ADK: variants seen among roughly 807,000 people sequenced by gnomAD.
The protein encoded by ADK is adenosine kinase, also known as N6,N6-dimethyladenosine kinase.
Under a neutral mutation model 44.7 loss-of-function variants are expected in ADK, and 24 were observed. The observed-to-expected ratio is 0.54, with a 90% CI of 0.39 to 0.76. The LOEUF is 0.76. ADK is among the 30% of genes least tolerant of loss of function. ADK has a pLI of 0.00. For synonymous variants in ADK, 128 were observed against 142.6 expected (o/e 0.90, Z 0.73); for missense variants, 321 against 425.1 (o/e 0.76, Z 2.15).
chr10:74,403,121 G>A (rs753699276), intron 6 of ADK, among the ~76,000 whole-genome samples: 1 of 152,122 alleles, frequency 6.6e-6, no homozygotes, highest in Non-Finnish European at 1.5e-5. Context: ...TCTCAGAGGG[G>A]CGCCCAGTTG....
At chr10:74,660,027 A>G (rs1476317407) in intron 9 of ADK, among the ~76,000 whole-genome samples, 7 of 152,252 alleles carry the variant, frequency 4.6e-5, no homozygotes, top group Admixed American at 6.5e-5. Flanking sequence ...AATCATAAAA[A>G]GGAATGCTTA....
chr10:74,427,829 C>A (rs1237977604), intron 6 of ADK, among the ~76,000 whole-genome samples: 1 of 152,114 alleles, frequency 6.6e-6, no homozygotes, highest in East Asian at 1.9e-4. Flanking sequence ...AGTAGTGACA[C>A]ACCTAGCGTT....
At chr10:74,693,714 C>G (rs1191165399) in intron 10 of ADK, among the ~76,000 whole-genome samples, 1 of 152,164 alleles carries the variant, frequency 6.6e-6, no homozygotes, top group African/African-American at 2.4e-5. Context: ...CCCTCAGAAA[C>G]TTTCTAAATT....
chr10:74,160,632 C>G (rs1459815685), intron 1 of ADK, among the ~76,000 whole-genome samples: 1 of 152,014 alleles, frequency 6.6e-6, no homozygotes, highest in Non-Finnish European at 1.5e-5. Flanking sequence ...TTCTCACTGT[C>G]TGCCCGTCTG....
chr10:74,176,718 T>C, intron 1 of ADK: 2 of 1,480,454 alleles, frequency 1.4e-6, no homozygotes, highest in African/African-American at 1.4e-5. Flanking sequence ...CCGGGCCGGC[T>C]AGCCAGGGGC....
intron 6 of ADK, among the ~76,000 whole-genome samples, chr10:74,424,830 A>G (rs1177322687): frequency 2.0e-5 from 3 of 152,130 alleles, no homozygotes; most frequent in Non-Finnish European, 2.9e-5. Context: ...TTATGTAATA[A>G]TCATTACTTC....
chr10:74,635,231 T>C (rs1853584988), intron 9 of ADK, among the ~76,000 whole-genome samples: 1 of 152,144 alleles, frequency 6.6e-6, no homozygotes, highest in Non-Finnish European at 1.5e-5. Context: ...AGAGAAGATA[T>C]TGAAGAGCAA....
intron 3 of ADK, among the ~76,000 whole-genome samples, chr10:74,307,508 A>G (rs1395863872): frequency 6.6e-6 from 1 of 152,138 alleles, no homozygotes; most frequent in African/African-American, 2.4e-5. Context: ...ACCATTAACA[A>G]TGTGACTTAT....
chr10:74,313,972 A>G (rs1017633304), intron 3 of ADK, among the ~76,000 whole-genome samples: 1 of 151,990 alleles, frequency 6.6e-6, no homozygotes, highest in Non-Finnish European at 1.5e-5. Flanking sequence ...AAATTTTTCA[A>G]TAATTGTTAG....
intron 6 of ADK, among the ~76,000 whole-genome samples, chr10:74,455,760 C>T (rs1325172007): frequency 2.0e-5 from 3 of 152,074 alleles, no homozygotes; most frequent in East Asian, 1.9e-4. Context: ...CTCCCGCCCT[C>T]GGCCTCCCAA....
chr10:74,163,270 G>T (rs12570022), intron 1 of ADK, among the ~76,000 whole-genome samples: 3,932 of 152,266 alleles, frequency 0.026, 69 homozygotes, highest in African/African-American at 0.032. Flanking sequence ...CCGGCCAACA[G>T]TAACCTTTTC....
At chr10:74,309,104 A>G (rs1016863025) in intron 3 of ADK, among the ~76,000 whole-genome samples, 1 of 152,076 alleles carries the variant, frequency 6.6e-6, no homozygotes, top group African/African-American at 2.4e-5. Flanking sequence ...TTTTCGTGTT[A>G]GATAAGGAGA....
chr10:74,364,160 T>G (rs1225281900), intron 4 of ADK, among the ~76,000 whole-genome samples: 2 of 152,218 alleles, frequency 1.3e-5, no homozygotes, highest in Non-Finnish European at 2.9e-5. Context: ...AATAGGTCTT[T>G]CCCTTCTTTC....
intron 4 of ADK, among the ~76,000 whole-genome samples, chr10:74,340,011 C>T (rs1236130443): frequency 6.6e-6 from 1 of 152,100 alleles, no homozygotes; most frequent in Non-Finnish European, 1.5e-5. Flanking sequence ...GTTTGTGCTG[C>T]TCTTTATTTC....
intron 10 of ADK, among the ~76,000 whole-genome samples, chr10:74,689,208 C>A (rs1855896848): frequency 6.6e-6 from 1 of 151,948 alleles, no homozygotes; most frequent in Admixed American, 6.6e-5. Context: ...AAGATCATGC[C>A]ACTGCACTCC....
intron 9 of ADK, among the ~76,000 whole-genome samples, chr10:74,635,082 A>C (rs1323081154): frequency 6.6e-6 from 1 of 152,250 alleles, no homozygotes; most frequent in East Asian, 1.9e-4. Flanking sequence ...TTTGATGAAT[A>C]ATGGCTGTAA....
At chr10:74,612,105 C>A (rs950528364) in intron 9 of ADK, among the ~76,000 whole-genome samples, 14 of 152,168 alleles carry the variant, frequency 9.2e-5, no homozygotes, top group African/African-American at 3.1e-4. Flanking sequence ...GTATGTGTTT[C>A]CTTTTCTCTG....
intron 3 of ADK, among the ~76,000 whole-genome samples, chr10:74,256,412 G>A (rs1845827248): frequency 6.6e-6 from 1 of 152,138 alleles, no homozygotes; most frequent in Admixed American, 6.5e-5. Flanking sequence ...AACCTGGAAT[G>A]CTCTTCGTCT....
At chr10:74,278,484 T>A (rs901996255) in intron 3 of ADK, among the ~76,000 whole-genome samples, 3 of 152,082 alleles carry the variant, frequency 2.0e-5, no homozygotes, top group Admixed American at 6.6e-5. Context: ...TAGATGCACA[T>A]ACTTTTAAAA....
Sources: gnomAD v4.1 joint callset for allele counts (sites outside exome capture counted in the v4.1 genomes callset) on GRCh38, gnomAD v4.1.1 for gene constraint, MANE v1.5 for transcripts, NCBI Gene and HGNC (gene_info 2026-07-23, HGNC 2026-07-21) for gene names.